Variants in MPRIP observed in about 807,000 individuals in gnomAD.
The protein encoded by MPRIP is myosin phosphatase Rho interacting protein.
Under a neutral mutation model 234.9 loss-of-function variants are expected in MPRIP, and 59 were observed. The observed-to-expected ratio is 0.25, with a 90% CI of 0.20 to 0.31. The LOEUF (loss-of-function observed/expected upper bound fraction) is 0.31, where lower values mean the gene tolerates loss of function less well. Ranked by LOEUF, MPRIP falls within the 10% of genes least tolerant of loss-of-function variation. The pLI, the probability that MPRIP is intolerant of heterozygous loss-of-function variation, is 1.00. For missense variants in MPRIP, 2,436 were observed against 3,071.0 expected, an observed-to-expected ratio of 0.79 and a Z score of 4.89; for synonymous variants, 1,144 against 1,263.9, an observed-to-expected ratio of 0.91 and a Z score of 2.01.
chr17:17,175,485 C>A, intron 20 of MPRIP, 73 bp downstream of exon 20: 1 of 1,469,962 alleles, frequency 6.8e-7, no homozygotes, highest in South Asian at 1.4e-5. Context: ...AGCATGGCCC[C>A]TGTCTTACAG....
In MPRIP at chr17:17,185,785, C is replaced by T. The variant is rs1314231177; in HGVS notation, c.*891C>T. The T allele has an allele frequency of 2.9e-6, 1 of 343,340 alleles. No homozygotes were observed. Among genetic ancestry groups the T allele is most frequent in the African/African-American group, 2.2e-5 (1 of 46,104 alleles). The allele number at this position is 343,340 out of a possible 1,614,324, so 21.3% of individuals were successfully genotyped here. ...TTACCTTTTGGAAAAGAAACCGTCA[C>T]ATTGCTTTGGAAAAGGTTGAGAGGA... On this transcript the variant is annotated 3_prime_UTR_variant, in exon 24 of 24. Coordinates refer to ENST00000651222, the MANE Select transcript of MPRIP (RefSeq NM_001364716.4).
At position 17,136,544 on chromosome 17, in the gene MPRIP, A is replaced by C. The variant is rs2090704276; in HGVS notation, c.736+94A>C. The C allele has an allele frequency of 4.0e-6, 5 of 1,240,410 alleles. No individual in the cohort carries two copies. In the Admixed American group the frequency reaches 6.5e-5, roughly 16 times the overall value. The allele number at this position is 1,240,410 out of a possible 1,614,324, so 76.8% of individuals were successfully genotyped here. A position where few individuals can be genotyped will look rare whatever the true frequency, so the allele number is the denominator to read the frequency against. ...GATTCAGCCAAGGCCTGTAGAGCCC[A>C]GTCGCAAGCCTGGACCTCGATTCCC... is the stretch of plus-strand genomic sequence containing the variant. On this transcript the variant is annotated intron_variant, in intron 6 of 23. Coordinates refer to ENST00000651222, the MANE Select transcript of MPRIP (RefSeq NM_001364716.4).
intron 3 of MPRIP, among the ~76,000 whole-genome samples, chr17:17,079,154 C>A (rs1409614471): frequency 6.6e-6 from 1 of 152,130 alleles, no homozygotes; most frequent in Non-Finnish European, 1.5e-5. Flanking sequence ...GTACTCGAGT[C>A]CTAACCTTTG....
At chr17:17,122,924 A>G (rs2090420236) in intron 3 of MPRIP, among the ~76,000 whole-genome samples, 1 of 152,252 alleles carries the variant, frequency 6.6e-6, no homozygotes. Context: ...AGGAATGTGC[A>G]CAGCAGCACT....
At chr17:17,061,986 T>TA (rs567996735) in intron 1 of MPRIP, among the ~76,000 whole-genome samples, 57 of 152,038 alleles carry the variant, frequency 3.7e-4, no homozygotes, top group African/African-American at 1.4e-3. Flanking sequence ...TTTTTTTTAA[T>TA]AAAAAATGGC....
chr17:17,158,486 G>A lies in MPRIP; in HGVS notation c.1884G>A (p.Arg628=), dbSNP rs1188148172. 2 of 1,609,334 alleles carry A rather than the reference G, an allele frequency of 1.2e-6. No individual in the cohort carries two copies. Among genetic ancestry groups the A allele is most frequent in the Admixed American group, 1.7e-5 (1 of 59,606 alleles). ...KSSCSFETCP[R]PTEKQEAELG... ...GCTGCTCTTTTGAGACCTGCCCGAGGCCTACTGAGAAGCAAGAGGCAGAGC... is the reference window on the plus strand; with the variant it reads ...GCTGCTCTTTTGAGACCTGCCCGAGACCTACTGAGAAGCAAGAGGCAGAGC... The change falls in exon 14 of 24, where the codon AGG becomes AGA. Residue 628 remains arginine, a synonymous_variant. Coordinates refer to ENST00000651222, the MANE Select transcript of MPRIP (RefSeq NM_001364716.4).
intron 3 of MPRIP, among the ~76,000 whole-genome samples, chr17:17,094,243 C>T (rs1351293515): frequency 1.3e-5 from 2 of 152,156 alleles, no homozygotes; most frequent in African/African-American, 4.8e-5. Flanking sequence ...CTGTCCTGTG[C>T]ACACTCTTGA....
chr17:17,138,066 C>T lies in MPRIP; in HGVS notation c.887C>T (p.Pro296Leu), dbSNP rs2090741142. ...CTCTCCCCTCCCAGCCCCAGCACCCCCAACCACAGGTACAGTTGCCCCGAG... is the reference window on the plus strand; with the variant it reads ...CTCTCCCCTCCCAGCCCCAGCACCCTCAACCACAGGTACAGTTGCCCCGAG... ...PPLSPPSPST[P>L]NHRYSCPESP... Residue 296 changes from proline (P) to leucine (L), a missense_variant, in exon 7 of 24, where the codon CCC (proline) becomes CTC (leucine). Transcript: ENST00000651222. This position sits in a 1 kb window ranked among gnomAD's most constrained non-coding sequence, Gnocchi z 5.8. 3 of 1,603,868 alleles carry T rather than the reference C, an allele frequency of 1.9e-6. No individual in the cohort carries two copies. The highest frequency in any genetic ancestry group is 4.5e-5 in the East Asian group (2 of 44,000).
At chr17:17,072,345 G>A (rs1054428132) in intron 1 of MPRIP, among the ~76,000 whole-genome samples, 2 of 152,158 alleles carry the variant, frequency 1.3e-5, no homozygotes, top group East Asian at 1.9e-4. Flanking sequence ...GGCCTAGGCC[G>A]GTGGGCACTC....
chr17:17,138,125 T>C lies in MPRIP; in HGVS notation c.946T>C (p.Ser316Pro). The change falls in exon 7 of 24, where the codon TCC (serine) becomes CCC (proline). Residue 316 changes from serine to proline, a missense_variant. Physicochemically the swap from Ser to Pro is moderately conservative, Grantham distance 74. This residue lies in a region of MPRIP where 267 missense variants were observed against 252.7 expected (regional missense o/e 1.06). Transcript: ENST00000651222. This position sits in a 1 kb window ranked among gnomAD's most constrained non-coding sequence, Gnocchi z 5.8. Reference sequence around the variant, plus strand: ...CCAGGAGCTCGGTGGTCCTCTTCCTTCCCCAGGTCCTCGACTCCCCCACCA... The same window carrying C: ...CCAGGAGCTCGGTGGTCCTCTTCCTCCCCCAGGTCCTCGACTCCCCCACCA... ...PSQELGGPLP[S>P]PGPRLPHQMV... 25 of 1,485,570 alleles carry C rather than the reference T, an allele frequency of 1.7e-5. No homozygotes were observed. Among genetic ancestry groups the C allele is most frequent in the Non-Finnish European group, 2.3e-5 (25 of 1,102,458 alleles). The allele number at this position is 1,485,570 out of a possible 1,614,324, so 92.0% of individuals were successfully genotyped here. A position where few individuals can be genotyped will look rare whatever the true frequency, so the allele number is the denominator to read the frequency against.
chr17:17,184,751 TGGTCCGGTCC>T (rs1037692259), intron 23 of MPRIP, 62 bp from the exon 24 acceptor site: 3 of 1,216,774 alleles, frequency 2.5e-6, no homozygotes, highest in East Asian at 2.4e-5. Context: ...CGGTCCGGTC[TGGTCCGGTCC>T]GGTCCAGTGC....
chr17:17,042,991 C>T lies in MPRIP; in HGVS notation c.123+20C>T, dbSNP rs746589083. 1.9e-6 allele frequency: 3 copies of T among 1,606,074 alleles called. No homozygotes were observed. Among genetic ancestry groups the T allele is most frequent in the Non-Finnish European group, 2.6e-6 (3 of 1,175,842 alleles). On this transcript the variant is annotated intron_variant, in intron 1 of 23. Coordinates refer to ENST00000651222, the MANE Select transcript of MPRIP (RefSeq NM_001364716.4). ...ACGCAGGTGAGCGACTGGGGCCGGC[C>T]CGGACACCTCCGTTCTGGGAGCCGC...
rs1316473449 is a variant in MPRIP at position 17,166,267 on chromosome 17, A to G, written c.4676A>G (p.Gln1559Arg). ...QQCSQSELTE[Q>R]EQVRLLSDQI... ...TGCTCCCAGTCTGAGTTGACAGAGCAGGAGCAGGTGAGGCTTCTTTCTGAC... is the reference window on the plus strand; with the variant it reads ...TGCTCCCAGTCTGAGTTGACAGAGCGGGAGCAGGTGAGGCTTCTTTCTGAC... The change falls in exon 16 of 24, where the codon CAG (glutamine) becomes CGG (arginine). Residue 1559 changes from glutamine (Q) to arginine (R), a missense_variant. Physicochemically the swap from Gln to Arg is conservative, Grantham distance 43. Transcript: ENST00000651222. This position sits in a 1 kb window ranked among gnomAD's most constrained non-coding sequence, Gnocchi z 4.4. The G allele has an allele frequency of 7.7e-7, 1 of 1,304,290 alleles. No homozygotes were observed. The highest frequency in any genetic ancestry group is 5.5e-5 in the East Asian group (1 of 18,028). 80.8% of individuals were successfully genotyped at this position (1,304,290 alleles called of 1,614,324 possible). A position where few individuals can be genotyped will look rare whatever the true frequency, so the allele number is the denominator to read the frequency against.
chr17:17,176,100 G>A (rs1273218230), intron 20 of MPRIP, among the ~76,000 whole-genome samples: 2 of 152,256 alleles, frequency 1.3e-5, no homozygotes, highest in African/African-American at 4.8e-5. Flanking sequence ...GGCTGAGTGA[G>A]TCTGACACAA....
At chr17:17,111,885 C>T (rs957062732) in intron 3 of MPRIP, among the ~76,000 whole-genome samples, 4 of 152,084 alleles carry the variant, frequency 2.6e-5, no homozygotes, top group East Asian at 1.9e-4. Flanking sequence ...GGCTTCTCAC[C>T]GAGGCCCTTC....
In MPRIP at chr17:17,166,355, A is replaced by G; in HGVS notation, c.4764A>G (p.Ser1588=). 2 of 1,304,606 alleles carry G rather than the reference A, an allele frequency of 1.5e-6. No individual in the cohort carries two copies. Among genetic ancestry groups the G allele is most frequent in the Non-Finnish European group, 2.0e-6 (2 of 989,042 alleles). The allele number at this position is 1,304,606 out of a possible 1,614,324, so 80.8% of individuals were successfully genotyped here. The change falls in exon 16 of 24, where the codon TCA becomes TCG. Residue 1588 remains serine (S), a synonymous_variant. Transcript: ENST00000651222. This position sits in a 1 kb window ranked among gnomAD's most constrained non-coding sequence, Gnocchi z 4.4. ...QIADSLKNTT[S]DVSRMLHEIS... is the part of the protein sequence containing the mutation. ...CAGATTCCCTGAAGAACACAACATC[A>G]GATGTCTCCCGAATGCTCCATGAGA...
Position 17,191,565 on chromosome 17 carries a change from A to G in MPRIP, c.*6671A>G, listed in dbSNP as rs2046586866. ...GTAGGATGGCCTGAGAGGACGTCCAAGTCCCAAGGGGTGGACACGGCATGT... is the reference window on the plus strand; with the variant it reads ...GTAGGATGGCCTGAGAGGACGTCCAGGTCCCAAGGGGTGGACACGGCATGT... On this transcript the variant is annotated 3_prime_UTR_variant, in exon 24 of 24. Coordinates refer to ENST00000651222, the MANE Select transcript of MPRIP (RefSeq NM_001364716.4). 1 of 152,272 alleles carries G rather than the reference A, an allele frequency of 6.6e-6. No homozygotes were observed. Among genetic ancestry groups the G allele is most frequent in the Non-Finnish European group, 1.5e-5 (1 of 68,052 alleles). The allele number at this position is 152,272 out of a possible 1,614,324, so 9.4% of individuals were successfully genotyped here. A position where few individuals can be genotyped will look rare whatever the true frequency, so the allele number is the denominator to read the frequency against.
At chr17:17,125,963 G>T (rs996690585) in intron 3 of MPRIP, among the ~76,000 whole-genome samples, 3 of 152,210 alleles carry the variant, frequency 2.0e-5, no homozygotes, top group African/African-American at 7.2e-5. Context: ...CTTACGTTGG[G>T]AGAGTAAGAA....
At chr17:17,143,360 C>G (rs1242723467) in intron 8 of MPRIP, among the ~76,000 whole-genome samples, 196 bp from the exon 9 acceptor site, 1 of 152,218 alleles carries the variant, frequency 6.6e-6, no homozygotes, top group Non-Finnish European at 1.5e-5. Flanking sequence ...AAAGGCTGCT[C>G]TATCAACCAG....
Sources: gnomAD v4.1 joint callset for allele counts (sites outside exome capture counted in the v4.1 genomes callset) on GRCh38, gnomAD v4.1.1 for gene constraint, gnomAD v4.1.1 regional missense constraint, Gnocchi (gnomAD v3.1) non-coding constraint, MANE v1.5 for transcripts, NCBI Gene and HGNC (gene_info 2026-07-23, HGNC 2026-07-21) for gene names.